The following SIL1 variants were observed in gnomAD, a reference collection of about 807,000 sequenced individuals.
SIL1 encodes SIL1 nucleotide exchange factor.
Under a neutral mutation model 49.1 loss-of-function variants are expected in SIL1, and 40 were observed. The ratio of observed to expected loss-of-function variants is 0.81; its 90% CI spans 0.63 to 1.06. SIL1 has a LOEUF of 1.06. SIL1 is among the 50% of genes least tolerant of loss of function. SIL1 has a pLI of 0.00. For missense variants in SIL1, 500 were observed against 572.6 expected, an observed-to-expected ratio of 0.87 and a Z score of 1.29; for synonymous variants, 253 against 250.8, an observed-to-expected ratio of 1.01 and a Z score of -0.08.
intron 3 of SIL1, among the ~76,000 whole-genome samples, chr5:139,064,383 G>A (rs559306764): frequency 7.2e-5 from 11 of 152,314 alleles, no homozygotes; most frequent in Non-Finnish European, 1.6e-4. Flanking sequence ...GATCAGGGAG[G>A]TGAAAATGAC....
At chr5:139,071,437 G>A (rs1769832523) in intron 3 of SIL1, among the ~76,000 whole-genome samples, 1 of 152,122 alleles carries the variant, frequency 6.6e-6, no homozygotes, top group South Asian at 2.1e-4. Flanking sequence ...GCTCGGCAAA[G>A]TTCTATTTCC....
intron 5 of SIL1, among the ~76,000 whole-genome samples, chr5:139,027,899 G>A (rs1768696928): frequency 6.6e-6 from 1 of 152,090 alleles, no homozygotes; most frequent in African/African-American, 2.4e-5. Context: ...CCAGTTACAA[G>A]CACTCCATAG....
At chr5:139,198,237 C>T (rs1190056283) in intron 1 of SIL1, 32 bp downstream of exon 1, 1 of 152,286 alleles carries the variant, frequency 6.6e-6, no homozygotes, top group East Asian at 1.9e-4. Context: ...CCCCGCCCAG[C>T]TCCAGGGCCG....
intron 1 of SIL1, among the ~76,000 whole-genome samples, chr5:139,182,024 A>C (rs1431956784): frequency 6.6e-6 from 1 of 152,124 alleles, no homozygotes; most frequent in Non-Finnish European, 1.5e-5. Context: ...GTGGAAGGTT[A>C]TTTGAATTTA....
At chr5:139,041,702 G>A (rs1407835951) in intron 5 of SIL1, among the ~76,000 whole-genome samples, 1 of 151,888 alleles carries the variant, frequency 6.6e-6, no homozygotes, top group Non-Finnish European at 1.5e-5. Flanking sequence ...TACTCAGGAG[G>A]CTGAGGCAGG....
intron 1 of SIL1, among the ~76,000 whole-genome samples, chr5:139,184,311 G>A (rs527492014): frequency 4.6e-5 from 7 of 152,260 alleles, no homozygotes; most frequent in Admixed American, 1.3e-4. Context: ...CCCTACTCTG[G>A]CTAGCAGTAT....
At chr5:138,999,572 T>C (rs534289387) in intron 7 of SIL1, among the ~76,000 whole-genome samples, 6 of 152,288 alleles carry the variant, frequency 3.9e-5, no homozygotes, top group East Asian at 3.9e-4. Flanking sequence ...GGCAGGAGGA[T>C]TGTTTCAGCC....
chr5:139,113,654 C>G (rs571346358), intron 3 of SIL1, among the ~76,000 whole-genome samples: 1 of 152,316 alleles, frequency 6.6e-6, no homozygotes, highest in Non-Finnish European at 1.5e-5. Flanking sequence ...GGGAAAGGGC[C>G]TCTCATTCAA....
chr5:138,968,817 A>G (rs1356881135), intron 7 of SIL1, among the ~76,000 whole-genome samples: 2 of 152,162 alleles, frequency 1.3e-5, no homozygotes, highest in African/African-American at 4.8e-5. Flanking sequence ...ACTGAGCCCC[A>G]GCACTAGGCA....
At position 139,026,812 on chromosome 5, in the gene SIL1, A is replaced by C. The variant is rs747479270; in HGVS notation, c.634T>G (p.Tyr212Asp). ...AAGAAATACAGTACCTGATGGACAT[A>C]ATATTCAAGATCAAAGAGCGCAGCA... is the stretch of plus-strand genomic sequence containing the variant. ...KIAALFDLEY[Y>D]VHQMDNAQDL... The change falls in exon 6 of 10, where the codon TAT (tyrosine) becomes GAT (aspartate). Residue 212 changes from tyrosine to aspartate, a missense_variant. Coordinates refer to ENST00000394817, the MANE Select transcript of SIL1 (RefSeq NM_022464.5). 4 of 1,614,092 alleles carry C rather than the reference A, an allele frequency of 2.5e-6. No individual in the cohort carries two copies. In the South Asian group the frequency reaches 4.4e-5, roughly 18 times the overall value.
rs79026533 is a variant in SIL1, at chr5:139,052,769, G to A, written c.245-1723C>T. Among the ~76,000 whole-genome samples the A allele has an allele frequency of 5.6e-3, 849 of 152,188 alleles. 4 individuals carry two copies. Among genetic ancestry groups the A allele is most frequent in the African/African-American group, 0.02 (814 of 41,524 alleles). ...GTTGGGGTCAAATGAAGAAAAAAGC[G>A]AGTCCCAGACTAGGAATAAAGGGAA... On this transcript the variant is annotated intron_variant, in intron 3 of 9. Transcript: ENST00000394817.
chr5:139,193,605 A>C (rs1311938347), intron 1 of SIL1, among the ~76,000 whole-genome samples: 2 of 152,188 alleles, frequency 1.3e-5, no homozygotes, highest in African/African-American at 2.4e-5. Flanking sequence ...AATTAAGGGA[A>C]AAAAAGTCTC....
intron 3 of SIL1, among the ~76,000 whole-genome samples, chr5:139,097,989 G>T (rs1012272758): frequency 1.3e-5 from 2 of 152,192 alleles, no homozygotes; most frequent in Non-Finnish European, 2.9e-5. Flanking sequence ...TGGATTGGAA[G>T]AATCAATGTT....
At chr5:139,144,445 A>G (rs1751152821) in intron 1 of SIL1, among the ~76,000 whole-genome samples, 1 of 152,266 alleles carries the variant, frequency 6.6e-6, no homozygotes, top group Admixed American at 6.5e-5. Context: ...TGTGGTAATG[A>G]TGTAAGGATA....
intron 1 of SIL1, among the ~76,000 whole-genome samples, chr5:139,188,906 C>T (rs147096828): frequency 2.6e-5 from 4 of 152,286 alleles, no homozygotes; most frequent in African/African-American, 9.6e-5. Context: ...GAAAGATAAG[C>T]ACTAAGCTGA....
chr5:139,086,451 A>G (rs1245021409), intron 3 of SIL1, among the ~76,000 whole-genome samples: 1 of 151,144 alleles, frequency 6.6e-6, no homozygotes, highest in East Asian at 2.0e-4. Flanking sequence ...TGCAACCTCT[A>G]CCTCCCAGGT....
chr5:139,005,443 A>T (rs571127478), intron 7 of SIL1, among the ~76,000 whole-genome samples: 184 of 147,382 alleles, frequency 1.2e-3, no homozygotes, highest in Non-Finnish European at 2.2e-3. Flanking sequence ...TTATTTATTT[A>T]TTTTTTCTTC....
At chr5:139,081,167 C>A (rs1234086269) in intron 3 of SIL1, among the ~76,000 whole-genome samples, 1 of 152,226 alleles carries the variant, frequency 6.6e-6, no homozygotes, top group Non-Finnish European at 1.5e-5. Flanking sequence ...GGAAGGGCAG[C>A]ATGCTACAGG....
chr5:139,059,384 G>A (rs1054974762), intron 3 of SIL1, among the ~76,000 whole-genome samples: 10 of 152,108 alleles, frequency 6.6e-5, no homozygotes, highest in East Asian at 3.8e-4. Flanking sequence ...AGGCCCCACC[G>A]GCCATGTGGA....
Sources: gnomAD v4.1 joint callset for allele counts (sites outside exome capture counted in the v4.1 genomes callset) on GRCh38, gnomAD v4.1.1 for gene constraint, MANE v1.5 for transcripts, NCBI Gene and HGNC (gene_info 2026-07-23, HGNC 2026-07-21) for gene names.